The following AKT1 variants were observed in gnomAD, a reference collection of about 807,000 sequenced individuals.
AKT1 encodes the protein RAC-alpha serine/threonine-protein kinase.
In AKT1, 21 loss-of-function variants were observed where a neutral mutation model predicts 63.1. The ratio of observed to expected loss-of-function variants is 0.33; its 90% confidence interval spans 0.24 to 0.48. AKT1 has a LOEUF of 0.48. AKT1 is among the 20% of genes least tolerant of loss of function. The pLI is 0.99. For missense variants in AKT1, 382 were observed against 666.0 expected (o/e 0.57, Z 4.69); for synonymous variants, 257 against 253.1 (o/e 1.02, Z -0.15).
chr14:104,775,911 C>T, intron 5 of AKT1, 112 bp from the exon 6 acceptor site: 1 of 1,363,406 alleles, frequency 7.3e-7, no homozygotes, highest in Non-Finnish European at 9.9e-7. Flanking sequence ...TCGGGGTTCC[C>T]AGAGACAGCC....
chr14:104,782,236 G>A (rs1893094704), intron 3 of AKT1, among the ~76,000 whole-genome samples: 1 of 145,970 alleles, frequency 6.9e-6, no homozygotes, highest in Non-Finnish European at 1.5e-5. Context: ...CTGCATGCCA[G>A]TCTGGAGCTG....
At chr14:104,787,492 G>A (rs901795082) in intron 3 of AKT1, among the ~76,000 whole-genome samples, 2 of 152,236 alleles carry the variant, frequency 1.3e-5, no homozygotes, top group East Asian at 1.9e-4. Context: ...GGGAGGGCCC[G>A]AGGGCAGGGT....
chr14:104,788,550 G>A (rs1038190339), intron 3 of AKT1, among the ~76,000 whole-genome samples: 3 of 152,176 alleles, frequency 2.0e-5, no homozygotes, highest in Admixed American at 6.5e-5. Flanking sequence ...CCCACCTCAC[G>A]CAGGGACCCC....
intron 3 of AKT1, among the ~76,000 whole-genome samples, chr14:104,791,396 G>A (rs1383609793): frequency 2.0e-5 from 3 of 152,000 alleles, no homozygotes; most frequent in Admixed American, 1.3e-4. Context: ...AGGAGGCCTT[G>A]GGGGGAAGCA....
intron 4 of AKT1, among the ~76,000 whole-genome samples, chr14:104,778,851 G>A (rs1892871512): frequency 6.6e-6 from 1 of 152,164 alleles, no homozygotes; most frequent in South Asian, 2.1e-4. Flanking sequence ...CAGCACATGG[G>A]GATGGAACCT....
At chr14:104,775,476 C>T in intron 6 of AKT1, 176 bp downstream of exon 6, 1 of 1,098,788 alleles carries the variant, frequency 9.1e-7, no homozygotes, top group Non-Finnish European at 1.3e-6. Context: ...TTTCCTCTGA[C>T]ATGGGGAAGA....
intron 14 of AKT1, 77 bp downstream of exon 14, chr14:104,770,668 A>G (rs1490579688): frequency 2.9e-6 from 4 of 1,373,482 alleles, no homozygotes; most frequent in Non-Finnish European, 4.1e-6. Flanking sequence ...ATCTGAAGCC[A>G]AAAAAGCTGA....
intron 1 of AKT1, chr14:104,793,842 C>T (rs934438959): frequency 8.5e-5 from 13 of 152,296 alleles, no homozygotes; most frequent in African/African-American, 3.1e-4. Flanking sequence ...CCTCTGCTAC[C>T]CTTCCAGATG....
In AKT1 at chr14:104,792,706, T is replaced by G. The variant is rs796352104; in HGVS notation, c.-63A>C. The G allele has an allele frequency of 1.1e-5, 17 of 1,583,722 alleles. No individual in the cohort carries two copies. The African/African-American group carries it at 1.9e-4, about 17-fold the overall frequency. On this transcript the variant is annotated 5_prime_UTR_variant, in exon 3 of 15. Transcript: ENST00000649815. ...CAGGCTGGCGCTCCCCGAGCCCAGCTGGCCTGGCCACAGCCTCTGGGAGAA... is the reference window on the plus strand; with the variant it reads ...CAGGCTGGCGCTCCCCGAGCCCAGCGGGCCTGGCCACAGCCTCTGGGAGAA...
intron 3 of AKT1, among the ~76,000 whole-genome samples, chr14:104,789,246 C>T (rs1320605454): frequency 2.0e-5 from 3 of 152,224 alleles, no homozygotes; most frequent in African/African-American, 7.2e-5. Flanking sequence ...CCCAGCATCC[C>T]GGCCACCCGC....
chr14:104,792,862 A>G (rs1893700646), intron 2 of AKT1, 140 bp from the exon 3 acceptor site: 1 of 617,746 alleles, frequency 1.6e-6, no homozygotes, highest in African/African-American at 1.8e-5. Flanking sequence ...CCATCCCTCT[A>G]AGCTCTCTGA....
Position 104,769,995 on chromosome 14 carries a change from G to T in AKT1, c.*346C>A. The T allele has an allele frequency of 2.2e-6, 1 of 446,172 alleles. No homozygotes were observed. Among genetic ancestry groups the T allele is most frequent in the Non-Finnish European group, 4.1e-6 (1 of 242,252 alleles). 27.6% of individuals were successfully genotyped at this position (446,172 alleles called of 1,614,324 possible). A position where few individuals can be genotyped will look rare whatever the true frequency, so the allele number is the denominator to read the frequency against. On this transcript the variant is annotated 3_prime_UTR_variant, in exon 15 of 15. Coordinates refer to ENST00000649815, the MANE Select transcript of AKT1 (RefSeq NM_001382430.1). ...CAGGGCGGCTGGCTGACAGAGTGAG[G>T]GGACACATGGGCAGGACCTGCCCGG...
At chr14:104,785,494 GC>G (rs1893285565) in intron 3 of AKT1, among the ~76,000 whole-genome samples, 1 of 152,124 alleles carries the variant, frequency 6.6e-6, no homozygotes, top group Admixed American at 6.5e-5. Flanking sequence ...GTCTGTTCCC[GC>G]CAGGCAGAGG....
At position 104,795,281 on chromosome 14, in the gene AKT1, C is replaced by T. The variant is rs1208488008; in HGVS notation, c.-258+203G>A. On this transcript the variant is annotated intron_variant, in intron 1 of 14. Coordinates refer to ENST00000649815, the MANE Select transcript of AKT1 (RefSeq NM_001382430.1). This position sits in a 1 kb window ranked among gnomAD's most constrained non-coding sequence, Gnocchi z 5.1. ...GGGCCGGCAGCCTGCACCCCCGGCG[C>T]CCGGCGTGGGGCCGCCCTCCCTTGG... Among the ~76,000 whole-genome samples, 1 of 150,840 alleles carries T rather than the reference C, an allele frequency of 6.6e-6. No homozygotes were observed. The highest frequency in any genetic ancestry group is 1.5e-5 in the Non-Finnish European group (1 of 67,576).
chr14:104,775,631 A>C, intron 6 of AKT1, 21 bp downstream of exon 6: 1 of 1,609,640 alleles, frequency 6.2e-7, no homozygotes. Context: ...AGGCACAGGC[A>C]GAAGTGGGGA....
At chr14:104,774,078 A>T in intron 8 of AKT1, 98 bp from the exon 9 acceptor site, 1 of 1,178,322 alleles carries the variant, frequency 8.5e-7, no homozygotes, top group Non-Finnish European at 1.2e-6. Context: ...ACGTCGCCTG[A>T]TACCACACCG....
At chr14:104,794,793 C>A (rs1265493220) in intron 1 of AKT1, among the ~76,000 whole-genome samples, 3 of 152,222 alleles carry the variant, frequency 2.0e-5, no homozygotes, top group African/African-American at 7.2e-5. Flanking sequence ...AGCTCACCCG[C>A]TGACCAAGGC....
In AKT1 at chr14:104,770,883, C is replaced by T. The variant is rs751887179; in HGVS notation, c.1261-36G>A. 45 of 1,583,918 alleles carry T rather than the reference C, an allele frequency of 2.8e-5. No individual in the cohort carries two copies. The Admixed American group carries it at 4.9e-4, about 17-fold the overall frequency. ...GGGCAGACGGGACAGTCATGAGCTT[C>T]GCTCCCCACTCCCAGCACACCCTCA... On this transcript the variant is annotated intron_variant, in intron 13 of 14. Transcript: ENST00000649815.
intron 8 of AKT1, 56 bp downstream of exon 8, chr14:104,774,881 GC>G: frequency 1.3e-6 from 2 of 1,554,348 alleles, no homozygotes; most frequent in Non-Finnish European, 1.7e-6. Context: ...CCTAGAGACA[GC>G]CCCAGGAGTC....
Sources: allele counts gnomAD v4.1 joint callset (sites outside exome capture counted in the v4.1 genomes callset), GRCh38; gene constraint gnomAD v4.1.1; non-coding constraint Gnocchi (gnomAD v3.1); transcripts MANE v1.5; gene names NCBI Gene and HGNC (gene_info 2026-07-23, HGNC 2026-07-21).